PDGFC: variants seen among roughly 807,000 people sequenced by gnomAD.
The protein encoded by PDGFC is platelet derived growth factor C, also known as platelet-derived growth factor C.
In PDGFC, 12 loss-of-function variants were observed where a neutral mutation model predicts 35.5. The observed-to-expected ratio is 0.34, with a 90% CI of 0.22 to 0.55. PDGFC has a LOEUF of 0.55. PDGFC is among the 20% of genes least tolerant of loss of function. PDGFC has a pLI of 0.91. For synonymous variants in PDGFC, 159 were observed against 148.8 expected, an observed-to-expected ratio of 1.07 and a Z score of -0.50; for missense variants, 322 against 412.4, an observed-to-expected ratio of 0.78 and a Z score of 1.90.
intron 1 of PDGFC, among the ~76,000 whole-genome samples, chr4:156,908,719 C>G (rs1021151256): frequency 4.6e-5 from 7 of 152,120 alleles, no homozygotes; most frequent in African/African-American, 1.7e-4. Context: ...TATTCCCATC[C>G]AAGCCAGTTA....
chr4:156,830,022 A>G (rs1362709686), intron 2 of PDGFC, among the ~76,000 whole-genome samples: 1 of 152,162 alleles, frequency 6.6e-6, no homozygotes, highest in Non-Finnish European at 1.5e-5. Flanking sequence ...TACTTCAAAA[A>G]TGTATCTGAA....
chr4:156,860,799 G>C (rs939950691), intron 1 of PDGFC, among the ~76,000 whole-genome samples: 1 of 151,974 alleles, frequency 6.6e-6, no homozygotes, highest in Non-Finnish European at 1.5e-5. Flanking sequence ...AACCCTCAAA[G>C]CATTTTTTAT....
At chr4:156,965,514 C>T (rs72683373) in intron 1 of PDGFC, among the ~76,000 whole-genome samples, 59,836 of 151,882 alleles carry the variant, frequency 0.39, 12,109 homozygotes, top group South Asian at 0.54. Context: ...TTAATTTAGA[C>T]TTAGTGGTCA....
intron 1 of PDGFC, among the ~76,000 whole-genome samples, chr4:156,924,213 T>G (rs1731353728): frequency 6.6e-6 from 1 of 152,176 alleles, no homozygotes; most frequent in Non-Finnish European, 1.5e-5. Context: ...CACAGTCAAG[T>G]GTTTATTCGT....
Position 156,926,049 on chromosome 4 carries a change from C to CAAAA in PDGFC, c.118+44733_118+44736dup, listed in dbSNP as rs397707839. On this transcript the variant is annotated intron_variant, in intron 1 of 5. Transcript: ENST00000502773. ...GCCTGGGTGAAAGTAAGATCTGTCT[C>CAAAA]AAAAAAAAAAAAAAAAAAAAAAAAG... is the stretch of plus-strand genomic sequence containing the variant. Among the ~76,000 whole-genome samples, 86 of 67,492 alleles carry CAAAA rather than the reference C, an allele frequency of 1.3e-3. 2 individuals carry two copies. Among genetic ancestry groups the CAAAA allele is most frequent in the African/African-American group, 4.4e-3 (65 of 14,842 alleles). 44.3% of individuals were successfully genotyped at this position (67,492 alleles called of 152,430 possible).
chr4:156,970,921 G>T lies in PDGFC; in HGVS notation c.-18C>A. ...AGGCTCATTTGGCTGACTGGGGTGA[G>T]AGCTCACTCACGGCGGGCACTTTGG... On this transcript the variant is annotated 5_prime_UTR_variant, in exon 1 of 6. Coordinates refer to ENST00000502773, the MANE Select transcript of PDGFC (RefSeq NM_016205.3). 6.5e-7 allele frequency: 1 copy of T among 1,541,622 alleles called. No homozygotes were observed. The highest frequency in any genetic ancestry group is 9.0e-7 in the Non-Finnish European group (1 of 1,115,012).
intron 2 of PDGFC, among the ~76,000 whole-genome samples, chr4:156,830,993 C>T (rs1728919031): frequency 6.6e-6 from 1 of 152,222 alleles, no homozygotes; most frequent in Admixed American, 6.5e-5. Context: ...GTATGCCTAT[C>T]CCTTTACTAT....
chr4:156,945,121 TTA>T (rs150330853), intron 1 of PDGFC, among the ~76,000 whole-genome samples: 2 of 151,902 alleles, frequency 1.3e-5, no homozygotes, highest in African/African-American at 4.8e-5. Context: ...GTTTACTTAT[TTA>T]TATGTTATTT....
chr4:156,905,146 G>C (rs1171606098), intron 1 of PDGFC, among the ~76,000 whole-genome samples: 1 of 152,078 alleles, frequency 6.6e-6, no homozygotes, highest in Admixed American at 6.6e-5. Flanking sequence ...ATCATCTTGA[G>C]ATAGGCTTAG....
chr4:156,822,186 C>T (rs560285188), intron 2 of PDGFC, among the ~76,000 whole-genome samples: 1 of 151,846 alleles, frequency 6.6e-6, no homozygotes, highest in East Asian at 2.0e-4. Context: ...GGTGAAACCC[C>T]ATCTCTACTA....
chr4:156,816,224 A>G (rs1732081605), intron 2 of PDGFC, among the ~76,000 whole-genome samples: 1 of 152,248 alleles, frequency 6.6e-6, no homozygotes, highest in African/African-American at 2.4e-5. Flanking sequence ...CAAACCTGTC[A>G]GTAGTGTGAA....
At chr4:156,927,664 T>C (rs1731446570) in intron 1 of PDGFC, among the ~76,000 whole-genome samples, 1 of 152,180 alleles carries the variant, frequency 6.6e-6, no homozygotes, top group African/African-American at 2.4e-5. Flanking sequence ...CACCTCAGCC[T>C]GGATTTCATT....
intron 1 of PDGFC, among the ~76,000 whole-genome samples, chr4:156,898,115 G>T (rs1045597086): frequency 2.6e-5 from 4 of 152,120 alleles, no homozygotes; most frequent in Non-Finnish European, 5.9e-5. Flanking sequence ...TCATGAAGGT[G>T]GAGGCCTCAT....
chr4:156,862,501 T>G (rs1729736550), intron 1 of PDGFC, among the ~76,000 whole-genome samples: 1 of 152,126 alleles, frequency 6.6e-6, no homozygotes, highest in South Asian at 2.1e-4. Context: ...CAATGAAATA[T>G]ATCTCTTATC....
At chr4:156,858,499 G>A (rs1429603280) in intron 1 of PDGFC, among the ~76,000 whole-genome samples, 2 of 151,806 alleles carry the variant, frequency 1.3e-5, no homozygotes, top group African/African-American at 4.8e-5. Context: ...AACATGTTTG[G>A]CAATACTATA....
intron 2 of PDGFC, among the ~76,000 whole-genome samples, chr4:156,844,489 G>A (rs952604794): frequency 1.6e-4 from 24 of 152,114 alleles, no homozygotes; most frequent in African/African-American, 5.5e-4. Flanking sequence ...AAATTCCACA[G>A]TGAAAATATG....
chr4:156,971,369 C>G lies in PDGFC; in HGVS notation c.-466G>C. The G allele has an allele frequency of 2.5e-6, 1 of 398,342 alleles. No individual in the cohort carries two copies. The highest frequency in any genetic ancestry group is 4.4e-5 in the Admixed American group (1 of 22,716). 24.7% of individuals were successfully genotyped at this position (398,342 alleles called of 1,614,324 possible). A position where few individuals can be genotyped will look rare whatever the true frequency, so the allele number is the denominator to read the frequency against. ...GAGCAGTTTCTGATCAATAACAAAG[C>G]TGCCAATAGATGCGGCTCTCCGGGC... On this transcript the variant is annotated 5_prime_UTR_variant, in exon 1 of 6. Transcript: ENST00000502773.
chr4:156,868,401 T>C (rs979674820), intron 1 of PDGFC, among the ~76,000 whole-genome samples: 1 of 152,206 alleles, frequency 6.6e-6, no homozygotes, highest in Admixed American at 6.5e-5. Flanking sequence ...GAAAGAGTCC[T>C]GTGTGAACAC....
intron 3 of PDGFC, among the ~76,000 whole-genome samples, chr4:156,776,282 A>G (rs941110460): frequency 6.6e-6 from 1 of 152,242 alleles, no homozygotes; most frequent in Non-Finnish European, 1.5e-5. Context: ...GGGCTGTTAA[A>G]CTGGTTAGAA....
Sources: allele counts gnomAD v4.1 joint callset (sites outside exome capture counted in the v4.1 genomes callset), GRCh38; gene constraint gnomAD v4.1.1; transcripts MANE v1.5; gene names NCBI Gene and HGNC (gene_info 2026-07-23, HGNC 2026-07-21).